Variants in CAMTA1 observed in about 807,000 individuals in gnomAD.
The protein encoded by CAMTA1 is calmodulin binding transcription activator 1.
In CAMTA1, 27 loss-of-function variants were observed where a neutral mutation model predicts 170.9. That is an observed-to-expected ratio of 0.16 (90% confidence interval 0.12 to 0.22). CAMTA1 has a LOEUF of 0.22. Ranked by LOEUF, CAMTA1 falls within the 10% of genes least tolerant of loss-of-function variation. CAMTA1 has a pLI of 1.00. For missense variants in CAMTA1, 1,619 were observed against 2,217.2 expected (o/e 0.73, Z 5.42); for synonymous variants, 833 against 891.5 (o/e 0.93, Z 1.17).
chr1:6,880,109 A>G (rs996143602), intron 3 of CAMTA1, among the ~76,000 whole-genome samples: 1 of 151,684 alleles, frequency 6.6e-6, no homozygotes, highest in South Asian at 2.1e-4. Flanking sequence ...CTTTAATTTA[A>G]TAGAGACAGG....
At chr1:7,708,869 G>C (rs367841852) in intron 11 of CAMTA1, among the ~76,000 whole-genome samples, 1 of 152,212 alleles carries the variant, frequency 6.6e-6, no homozygotes, top group African/African-American at 2.4e-5. Context: ...GGAAGGTGAT[G>C]ATAAGTCATG....
rs573552801 is a variant in CAMTA1 at position 7,020,066 on chromosome 1, A to T, written c.235-71238A>T. Among the ~76,000 whole-genome samples the T allele has an allele frequency of 3.9e-5, 6 of 152,350 alleles. No homozygotes were observed. The East Asian group carries it at 1.2e-3, about 29-fold the overall frequency. ...TGGCTGGGCTGCCTGTTTCTCCAGGAGGGCCGTGATGGCACATTTGTGTCA... is the reference window on the plus strand; with the variant it reads ...TGGCTGGGCTGCCTGTTTCTCCAGGTGGGCCGTGATGGCACATTTGTGTCA... On this transcript the variant is annotated intron_variant, in intron 3 of 22. Coordinates refer to ENST00000303635, the MANE Select transcript of CAMTA1 (RefSeq NM_015215.4).
At position 7,257,091 on chromosome 1, in the gene CAMTA1, G is replaced by A. The variant is rs571719747; in HGVS notation, c.438+7465G>A. Among the ~76,000 whole-genome samples, 20 of 150,584 alleles carry A rather than the reference G, an allele frequency of 1.3e-4. 1 individual carries two copies. In the South Asian group the frequency reaches 3.6e-3, roughly 27 times the overall value. ...CATCGCATGGCGGGGGCGGGGGTTG[G>A]TTTTCATCATATACATGTTGGGGGA... On this transcript the variant is annotated intron_variant, in intron 5 of 22. Transcript: ENST00000303635.
intron 4 of CAMTA1, among the ~76,000 whole-genome samples, chr1:7,213,258 C>T (rs370705927): frequency 6.6e-6 from 1 of 152,190 alleles, no homozygotes; most frequent in Non-Finnish European, 1.5e-5. Flanking sequence ...TCTCTGCATC[C>T]TTATCAGCAT....
At chr1:7,468,656 G>C (rs766625365) in intron 6 of CAMTA1, among the ~76,000 whole-genome samples, 11 of 152,244 alleles carry the variant, frequency 7.2e-5, no homozygotes, top group Non-Finnish European at 1.2e-4. Flanking sequence ...ATTTGCAGCT[G>C]TTCTTGGTAG....
chr1:7,243,094 T>C (rs1665173924), intron 4 of CAMTA1, among the ~76,000 whole-genome samples: 2 of 152,262 alleles, frequency 1.3e-5, no homozygotes, highest in South Asian at 2.1e-4. Flanking sequence ...TTCTGTTCCA[T>C]TGGCTTGTCT....
chr1:7,209,609 C>T (rs561767963), intron 4 of CAMTA1, among the ~76,000 whole-genome samples: 3 of 152,216 alleles, frequency 2.0e-5, no homozygotes, highest in East Asian at 1.9e-4. Context: ...GAAACAACCT[C>T]GTTCTTCAGC....
In CAMTA1 at chr1:7,588,468, C is replaced by T. The variant is rs1329859906; in HGVS notation, c.511-51932C>T. ...CTGCAAGCATCGTTTTATCAAAACC[C>T]TCACCATTGCCATCACCACCTCCAT... On this transcript the variant is annotated intron_variant, in intron 6 of 22. Transcript: ENST00000303635. The surrounding 1 kb of genome is among the most constrained non-coding windows in gnomAD (Gnocchi z 5.8). Among the ~76,000 whole-genome samples the T allele has an allele frequency of 6.6e-6, 1 of 152,208 alleles. No individual in the cohort carries two copies. The highest frequency in any genetic ancestry group is 2.4e-5 in the African/African-American group (1 of 41,438).
chr1:6,996,647 C>T (rs1002895999), intron 3 of CAMTA1, among the ~76,000 whole-genome samples: 9 of 151,576 alleles, frequency 5.9e-5, no homozygotes, highest in African/African-American at 2.2e-4. Context: ...TGCTCTGTGA[C>T]ACTGACTGGG....
intron 4 of CAMTA1, among the ~76,000 whole-genome samples, chr1:7,099,118 G>A (rs894436456): frequency 6.6e-6 from 1 of 151,232 alleles, no homozygotes; most frequent in African/African-American, 2.4e-5. Flanking sequence ...GTGTGATCTC[G>A]GCTCACTGCA....
intron 11 of CAMTA1, among the ~76,000 whole-genome samples, chr1:7,707,571 T>G (rs976395038): frequency 6.6e-6 from 1 of 152,014 alleles, no homozygotes; most frequent in Non-Finnish European, 1.5e-5. Flanking sequence ...GAGATGAGGT[T>G]TCTCCATGTT....
intron 6 of CAMTA1, among the ~76,000 whole-genome samples, chr1:7,520,251 CCCT>C (rs369186523): frequency 0.034 from 2,215 of 65,326 alleles, 231 homozygotes; most frequent in East Asian, 0.19. Context: ...CCCTCCTCTT[CCCT>C]CCTCCTCCTG....
intron 5 of CAMTA1, among the ~76,000 whole-genome samples, chr1:7,453,694 A>T (rs922242896): frequency 2.6e-5 from 4 of 152,228 alleles, no homozygotes; most frequent in African/African-American, 9.6e-5. Context: ...GGCTGGTCCC[A>T]TTGGCCTTCC....
intron 3 of CAMTA1, among the ~76,000 whole-genome samples, chr1:6,873,510 C>T (rs1401809839): frequency 6.6e-6 from 1 of 152,142 alleles, no homozygotes; most frequent in Non-Finnish European, 1.5e-5. Context: ...GGTTGATGGT[C>T]CCCAGGAGAG....
At chr1:7,746,634 T>G (rs576372347) in intron 18 of CAMTA1, among the ~76,000 whole-genome samples, 3 of 152,178 alleles carry the variant, frequency 2.0e-5, no homozygotes, top group Non-Finnish European at 4.4e-5. Context: ...ACAATGCTGA[T>G]TTTTCTTTTT....
chr1:6,997,509 A>G (rs567140790), intron 3 of CAMTA1, among the ~76,000 whole-genome samples: 1 of 152,044 alleles, frequency 6.6e-6, no homozygotes, highest in Admixed American at 6.5e-5. Context: ...TCTCAATTTC[A>G]GGTTTTTACA....
rs1167253717 is a variant in CAMTA1, at chr1:7,104,056, ACAGATGTACAC to A, written c.302+12686_302+12696del. Among the ~76,000 whole-genome samples the A allele has an allele frequency of 5.6e-4, 85 of 151,418 alleles. 1 individual carries two copies. Among genetic ancestry groups the A allele is most frequent in the African/African-American group, 9.9e-4 (41 of 41,274 alleles). On this transcript the variant is annotated intron_variant, in intron 4 of 22. Coordinates refer to ENST00000303635, the MANE Select transcript of CAMTA1 (RefSeq NM_015215.4). ...ATATGCATACAACACACACAACTAC[ACAGATGTACAC>A]ACTACACAGATGTACACACAACACA... is the stretch of plus-strand genomic sequence containing the variant.
rs1235178085 is a variant in CAMTA1, at chr1:7,463,280, A to T, written c.439-4550A>T. Among the ~76,000 whole-genome samples the T allele has an allele frequency of 6.6e-6, 1 of 152,124 alleles. No homozygotes were observed. Among genetic ancestry groups the T allele is most frequent in the Non-Finnish European group, 1.5e-5 (1 of 68,032 alleles). On this transcript the variant is annotated intron_variant, in intron 5 of 22. Transcript: ENST00000303635. The surrounding 1 kb of genome is among the most constrained non-coding windows in gnomAD (Gnocchi z 4.7). ...GGGCATGGGAGGTGGAAGGAAAGGGATGGAGGGTGTGTGTGTGTCAGACAC... is the reference window on the plus strand; with the variant it reads ...GGGCATGGGAGGTGGAAGGAAAGGGTTGGAGGGTGTGTGTGTGTCAGACAC...
chr1:7,498,062 G>A (rs981303195), intron 6 of CAMTA1, among the ~76,000 whole-genome samples: 18 of 152,226 alleles, frequency 1.2e-4, no homozygotes, highest in Non-Finnish European at 1.6e-4. Flanking sequence ...AAGAGGGGGT[G>A]AGAGTGGGGA....
Sources: gnomAD v4.1 joint callset for allele counts (sites outside exome capture counted in the v4.1 genomes callset) on GRCh38, gnomAD v4.1.1 for gene constraint, Gnocchi (gnomAD v3.1) non-coding constraint, MANE v1.5 for transcripts, NCBI Gene and HGNC (gene_info 2026-07-23, HGNC 2026-07-21) for gene names.